L3MBTL4: variants seen among roughly 807,000 people sequenced by gnomAD.
L3MBTL4 encodes lethal(3)malignant brain tumor-like protein 4.
In L3MBTL4, 70 loss-of-function variants were observed where a neutral mutation model predicts 84.5. The ratio of observed to expected loss-of-function variants is 0.83; its 90% CI spans 0.68 to 1.01. The LOEUF is 1.01. Among genes scored for constraint, L3MBTL4 ranks in the 50% least tolerant of loss-of-function variants. The probability of loss-of-function intolerance (pLI) is 0.00; values close to 1 mark genes in which losing one functional copy is unlikely to be tolerated. For missense variants in L3MBTL4, 715 were observed against 754.8 expected (o/e 0.95, Z 0.62); for synonymous variants, 274 against 259.8 (o/e 1.05, Z -0.52).
intron 13 of L3MBTL4, among the ~76,000 whole-genome samples, chr18:6,141,105 G>A (rs981944168): frequency 3.3e-5 from 5 of 149,838 alleles, no homozygotes; most frequent in African/African-American, 7.3e-5. Context: ...AAGTGCTTGC[G>A]GAATAAGTAT....
At chr18:6,288,005 T>A (rs2049678220) in intron 4 of L3MBTL4, among the ~76,000 whole-genome samples, 1 of 152,152 alleles carries the variant, frequency 6.6e-6, no homozygotes, top group Admixed American at 6.5e-5. Context: ...GTCACATCGC[T>A]GCACTCCAGC....
intron 13 of L3MBTL4, among the ~76,000 whole-genome samples, chr18:6,146,820 G>A (rs543592448): frequency 1.3e-5 from 2 of 152,250 alleles, no homozygotes; most frequent in South Asian, 4.2e-4. Flanking sequence ...CATTGAGTGA[G>A]GACGGGGTGA....
intron 5 of L3MBTL4, among the ~76,000 whole-genome samples, chr18:6,248,402 T>C (rs2047777424): frequency 6.6e-6 from 1 of 152,220 alleles, no homozygotes; most frequent in Admixed American, 6.5e-5. Context: ...CAATATCCAT[T>C]TGAAATACAA....
chr18:5,957,433 C>T (rs563059223), intron 18 of L3MBTL4, among the ~76,000 whole-genome samples: 28 of 152,086 alleles, frequency 1.8e-4, no homozygotes, highest in African/African-American at 6.0e-4. Flanking sequence ...ATAGCTTCCC[C>T]GAGACTCACA....
chr18:6,107,608 A>C (rs1262953749), intron 14 of L3MBTL4, among the ~76,000 whole-genome samples: 2 of 152,186 alleles, frequency 1.3e-5, no homozygotes, highest in African/African-American at 4.8e-5. Context: ...GAAACTCATG[A>C]GTGTGATGAT....
chr18:6,106,531 A>C (rs1172935976), intron 14 of L3MBTL4, among the ~76,000 whole-genome samples: 1 of 152,220 alleles, frequency 6.6e-6, no homozygotes, highest in Non-Finnish European at 1.5e-5. Context: ...ATGAACTGTA[A>C]TGTGGAGAAC....
chr18:6,369,612 CAT>C (rs1339082185), intron 1 of L3MBTL4, among the ~76,000 whole-genome samples: 29 of 152,214 alleles, frequency 1.9e-4, no homozygotes, highest in African/African-American at 6.3e-4. Flanking sequence ...AAGAGGAAAT[CAT>C]GTTGCCCAGG....
chr18:6,251,600 G>A (rs2047926338), intron 5 of L3MBTL4, among the ~76,000 whole-genome samples: 1 of 152,200 alleles, frequency 6.6e-6, no homozygotes, highest in African/African-American at 2.4e-5. Flanking sequence ...CTGTTTGAGT[G>A]ATTGGTCTGG....
At chr18:6,123,090 T>G (rs900862872) in intron 14 of L3MBTL4, among the ~76,000 whole-genome samples, 1 of 152,158 alleles carries the variant, frequency 6.6e-6, no homozygotes, top group Non-Finnish European at 1.5e-5. Context: ...TGAGGCATCT[T>G]TAGGAAAGGG....
At chr18:6,078,426 CAA>C (rs1200685986) in intron 16 of L3MBTL4, among the ~76,000 whole-genome samples, 1 of 34,876 alleles carries the variant, frequency 2.9e-5, no homozygotes, top group African/African-American at 9.4e-5. Context: ...GAGTCCACCT[CAA>C]AAAAAAAAAA....
intron 1 of L3MBTL4, among the ~76,000 whole-genome samples, chr18:6,411,165 C>T (rs1419842706): frequency 6.6e-6 from 1 of 152,180 alleles, no homozygotes; most frequent in Non-Finnish European, 1.5e-5. Context: ...AGCTTCATTT[C>T]CCCCAAGCAT....
intron 14 of L3MBTL4, among the ~76,000 whole-genome samples, chr18:6,127,214 T>C (rs1033980160): frequency 6.6e-6 from 1 of 152,208 alleles, no homozygotes. Flanking sequence ...TTGCGGCCCA[T>C]GGGCTGCATG....
At chr18:6,073,259 T>C (rs1251906872) in intron 16 of L3MBTL4, among the ~76,000 whole-genome samples, 2 of 151,776 alleles carry the variant, frequency 1.3e-5, no homozygotes, top group Admixed American at 1.3e-4. Context: ...CTATAGAATC[T>C]GCAGACACTG....
chr18:6,128,080 A>G (rs1479368374), intron 14 of L3MBTL4, among the ~76,000 whole-genome samples: 3 of 151,966 alleles, frequency 2.0e-5, no homozygotes, highest in Non-Finnish European at 4.4e-5. Flanking sequence ...ACAACTCCAA[A>G]CATTATCAGA....
At chr18:6,323,327 C>G (rs562219411) in intron 1 of L3MBTL4, among the ~76,000 whole-genome samples, 1 of 152,106 alleles carries the variant, frequency 6.6e-6, no homozygotes, top group Non-Finnish European at 1.5e-5. Flanking sequence ...GGATAACAGG[C>G]AGAGGCTGGA....
At chr18:6,021,190 C>T (rs1373030465) in intron 16 of L3MBTL4, among the ~76,000 whole-genome samples, 1 of 152,162 alleles carries the variant, frequency 6.6e-6, no homozygotes, top group South Asian at 2.1e-4. Flanking sequence ...TCAGTGGGCA[C>T]CTTGACAGCA....
At chr18:6,387,500 T>C (rs1261078594) in intron 1 of L3MBTL4, among the ~76,000 whole-genome samples, 1 of 152,202 alleles carries the variant, frequency 6.6e-6, no homozygotes, top group African/African-American at 2.4e-5. Flanking sequence ...GGAGCAGAAG[T>C]ACATACATAT....
chr18:6,205,693 AG>A (rs1419755206), intron 12 of L3MBTL4, among the ~76,000 whole-genome samples: 4 of 152,214 alleles, frequency 2.6e-5, no homozygotes, highest in Non-Finnish European at 5.9e-5. Flanking sequence ...AGATTTTGGA[AG>A]AAGGAATGGG....
chr18:6,174,792 T>C (rs550072325), intron 12 of L3MBTL4, among the ~76,000 whole-genome samples: 3 of 145,648 alleles, frequency 2.1e-5, no homozygotes, highest in African/African-American at 7.7e-5. Context: ...GGCTTGAACA[T>C]GGGAAGCGGA....
Sources: allele counts gnomAD v4.1 joint callset (sites outside exome capture counted in the v4.1 genomes callset), GRCh38; gene constraint gnomAD v4.1.1; transcripts MANE v1.5; gene names NCBI Gene and HGNC (gene_info 2026-07-23, HGNC 2026-07-21).